DOCK3: variants seen among roughly 807,000 people sequenced by gnomAD.
The protein encoded by DOCK3 is dedicator of cytokinesis protein 3.
Under a neutral mutation model 265.6 loss-of-function variants are expected in DOCK3, and 60 were observed. The observed-to-expected ratio is 0.23, with a 90% CI of 0.18 to 0.28. The LOEUF (loss-of-function observed/expected upper bound fraction) is 0.28, where lower values mean the gene tolerates loss of function less well. DOCK3 is among the 10% of genes least tolerant of loss of function. The pLI is 1.00. For synonymous variants in DOCK3, 881 were observed against 938.0 expected, an observed-to-expected ratio of 0.94 and a Z score of 1.11; for missense variants, 1,981 against 2,594.3, an observed-to-expected ratio of 0.76 and a Z score of 5.14.
Position 51,381,740 on chromosome 3 carries a change from C to A in DOCK3, c.*181C>A. 1 of 719,842 alleles carries A rather than the reference C, an allele frequency of 1.4e-6. No individual in the cohort carries two copies. Among genetic ancestry groups the A allele is most frequent in the Non-Finnish European group, 2.1e-6 (1 of 482,886 alleles). 44.6% of individuals were successfully genotyped at this position (719,842 alleles called of 1,614,324 possible). The stretch of plus-strand genomic sequence containing the variant: ...CATGTGTTGCCATGTACAGAGGCCA[C>A]AGCAGCATGAAGGGTTGTGGCTTCC... On this transcript the variant is annotated 3_prime_UTR_variant, in exon 53 of 53. Coordinates refer to ENST00000266037, the MANE Select transcript of DOCK3 (RefSeq NM_004947.5). This position sits in a 1 kb window ranked among gnomAD's most constrained non-coding sequence, Gnocchi z 5.6.
At chr3:51,354,549 C>A (rs2086232881) in intron 40 of DOCK3, among the ~76,000 whole-genome samples, 1 of 152,198 alleles carries the variant, frequency 6.6e-6, no homozygotes, top group Non-Finnish European at 1.5e-5. Flanking sequence ...ACCATACCAG[C>A]CTGACCTAGG....
intron 23 of DOCK3, among the ~76,000 whole-genome samples, chr3:51,264,852 A>ATAAATAAATAAATAAATAAATAAATAAG: frequency 6.6e-6 from 1 of 151,430 alleles, no homozygotes; most frequent in South Asian, 2.1e-4. Flanking sequence ...AAATAAATAA[A>ATAAATAAATAAATAAATAAATAAATAAG]TAAATAACTT....
intron 4 of DOCK3, among the ~76,000 whole-genome samples, chr3:50,918,286 G>A (rs1194555750): frequency 6.6e-6 from 1 of 152,090 alleles, no homozygotes; most frequent in Non-Finnish European, 1.5e-5. Context: ...GTAATGGGAT[G>A]GCTGGGTCAA....
At chr3:50,895,091 A>G (rs1187749690) in intron 4 of DOCK3, among the ~76,000 whole-genome samples, 1 of 152,040 alleles carries the variant, frequency 6.6e-6, no homozygotes, top group African/African-American at 2.4e-5. Context: ...TTCTTTATCA[A>G]TTGGGATAAA....
At chr3:51,246,910 C>A in intron 22 of DOCK3, 103 bp downstream of exon 22, 2 of 1,135,816 alleles carry the variant, frequency 1.8e-6, no homozygotes, top group Admixed American at 2.0e-5. Flanking sequence ...ATCGCAGTAC[C>A]TGGCCTGCTT....
intron 1 of DOCK3, among the ~76,000 whole-genome samples, chr3:50,727,215 C>T (rs1338642588): frequency 2.0e-5 from 3 of 152,188 alleles, no homozygotes; most frequent in Admixed American, 2.0e-4. Context: ...AAGCAAGATC[C>T]CAAGCCTATG....
intron 33 of DOCK3, among the ~76,000 whole-genome samples, chr3:51,330,874 A>G (rs140990908): frequency 2.0e-5 from 3 of 152,320 alleles, no homozygotes; most frequent in African/African-American, 4.8e-5. Context: ...AAATCTTAAG[A>G]TATTTATAGC....
chr3:51,329,983 T>C (rs1382023331), intron 32 of DOCK3, among the ~76,000 whole-genome samples, 155 bp from the exon 33 acceptor site: 1 of 152,158 alleles, frequency 6.6e-6, no homozygotes, highest in Non-Finnish European at 1.5e-5. Flanking sequence ...GGTTTCTTGG[T>C]GCTATAGGTA....
chr3:51,270,629 G>C (rs1308089587), intron 23 of DOCK3, among the ~76,000 whole-genome samples, 186 bp from the exon 24 acceptor site: 1 of 152,144 alleles, frequency 6.6e-6, no homozygotes, highest in Non-Finnish European at 1.5e-5. Context: ...TCTTGTTTTG[G>C]TTTCCTTTTT....
chr3:51,267,347 A>T (rs145511402), intron 23 of DOCK3, among the ~76,000 whole-genome samples: 133 of 151,648 alleles, frequency 8.8e-4, no homozygotes, highest in African/African-American at 3.1e-3. Context: ...AAATCATTCT[A>T]CTATAAAGAC....
At chr3:51,300,298 TTTAGAC>T (rs2082304114) in intron 27 of DOCK3, among the ~76,000 whole-genome samples, 1 of 152,338 alleles carries the variant, frequency 6.6e-6, no homozygotes, top group Non-Finnish European at 1.5e-5. Context: ...TTAATGAGCT[TTTAGAC>T]TGAGACAATG....
At chr3:51,195,414 T>C (rs1464035305) in intron 12 of DOCK3, among the ~76,000 whole-genome samples, 1 of 152,088 alleles carries the variant, frequency 6.6e-6, no homozygotes, top group African/African-American at 2.4e-5. Context: ...TATGTTTTCT[T>C]TTCTTTTTTT....
At chr3:51,150,677 T>C (rs899467890) in intron 10 of DOCK3, among the ~76,000 whole-genome samples, 29 of 152,182 alleles carry the variant, frequency 1.9e-4, no homozygotes, top group African/African-American at 6.3e-4. Flanking sequence ...TGAGTTCTAA[T>C]TTGATTGCAC....
At chr3:50,875,147 A>G (rs1322452515) in intron 3 of DOCK3, among the ~76,000 whole-genome samples, 1 of 152,188 alleles carries the variant, frequency 6.6e-6, no homozygotes, top group Non-Finnish European at 1.5e-5. Context: ...GCAAACCACC[A>G]TGGCACATGT....
chr3:51,269,607 T>C (rs973773135), intron 23 of DOCK3, among the ~76,000 whole-genome samples: 1 of 152,144 alleles, frequency 6.6e-6, no homozygotes, highest in Non-Finnish European at 1.5e-5. Context: ...GATGGAGCAG[T>C]CAAGAAAACA....
rs374421245 is a variant in DOCK3, at chr3:51,180,651, C to A, written c.1037+19949C>A. On this transcript the variant is annotated intron_variant, in intron 12 of 52. Coordinates refer to ENST00000266037, the MANE Select transcript of DOCK3 (RefSeq NM_004947.5). ...ATAATCCAGGATAATCTCCTTATCT[C>A]AAAATCCTTAATTTAATTACATCTG... Among the ~76,000 whole-genome samples, 5 of 152,234 alleles carry A rather than the reference C, an allele frequency of 3.3e-5. No individual in the cohort carries two copies. The South Asian group carries it at 1.0e-3, about 32-fold the overall frequency.
At chr3:51,107,697 T>G (rs2083344962) in intron 9 of DOCK3, among the ~76,000 whole-genome samples, 2 of 152,180 alleles carry the variant, frequency 1.3e-5, no homozygotes, top group African/African-American at 2.4e-5. Flanking sequence ...TATCAAGAGA[T>G]TGAATCTGCA....
intron 7 of DOCK3, among the ~76,000 whole-genome samples, chr3:51,075,733 C>T (rs1467567780): frequency 1.3e-5 from 2 of 152,138 alleles, no homozygotes; most frequent in Non-Finnish European, 2.9e-5. Flanking sequence ...ATGTCTCTTT[C>T]CTCTCACCTC....
In DOCK3 at chr3:50,811,871, T is replaced by TA. The variant is rs559140424; in HGVS notation, c.122-29798dup. 1.7e-4 allele frequency among the ~76,000 whole-genome samples: 26 copies of TA among 152,238 alleles called. 1 individual carries two copies. The South Asian group carries it at 5.2e-3, about 30-fold the overall frequency. Reference sequence around the variant, plus strand: ...TTTAATATAAATAATTGTTAACTAGTAAAAAAGTAGTTAACTGCTAAAAGG... The same window carrying TA: ...TTTAATATAAATAATTGTTAACTAGTAAAAAAAGTAGTTAACTGCTAAAAGG... On this transcript the variant is annotated intron_variant, in intron 2 of 52. Coordinates refer to ENST00000266037, the MANE Select transcript of DOCK3 (RefSeq NM_004947.5).
Sources: gnomAD v4.1 joint callset for allele counts (sites outside exome capture counted in the v4.1 genomes callset) on GRCh38, gnomAD v4.1.1 for gene constraint, Gnocchi (gnomAD v3.1) non-coding constraint, MANE v1.5 for transcripts, NCBI Gene and HGNC (gene_info 2026-07-23, HGNC 2026-07-21) for gene names.